The following TMEM131 variants were observed in gnomAD, a reference collection of about 807,000 sequenced individuals.
TMEM131 encodes the protein transmembrane protein 131.
In TMEM131, 66 loss-of-function variants were observed where a neutral mutation model predicts 211.6. The ratio of observed to expected loss-of-function variants is 0.31; its 90% CI spans 0.26 to 0.38. TMEM131 has a LOEUF of 0.38. TMEM131 is among the 10% of genes least tolerant of loss of function. TMEM131 has a pLI of 1.00. For missense variants in TMEM131, 2,036 were observed against 2,299.3 expected, an observed-to-expected ratio of 0.89 and a Z score of 2.34; for synonymous variants, 844 against 841.3, an observed-to-expected ratio of 1.00 and a Z score of -0.06.
At chr2:97,793,693 C>T (rs2104890571) in intron 29 of TMEM131, 140 bp from the exon 30 acceptor site, 2 of 866,652 alleles carry the variant, frequency 2.3e-6, no homozygotes, top group East Asian at 2.8e-5. Context: ...CAACTTTTAA[C>T]AGACAAAACC....
At position 97,995,883 on chromosome 2, in the gene TMEM131, G is replaced by A. The variant is rs190671834; in HGVS notation, c.-221C>T. On this transcript the variant is annotated 5_prime_UTR_variant, in exon 1 of 41. Transcript: ENST00000186436. The stretch of plus-strand genomic sequence containing the variant: ...GCCTGGGCATCGCCTACAAGCAGTC[G>A]GAGCGGAGAGGCCGCGGGTCAGGCG... 6 of 239,820 alleles carry A rather than the reference G, an allele frequency of 2.5e-5. No homozygotes were observed. In the East Asian group the frequency reaches 5.6e-4, roughly 23 times the overall value. 14.9% of individuals were successfully genotyped at this position (239,820 alleles called of 1,614,324 possible). A position where few individuals can be genotyped will look rare whatever the true frequency, so the allele number is the denominator to read the frequency against.
chr2:97,759,334 T>C, intron 39 of TMEM131: 1 of 540,018 alleles, frequency 1.9e-6, no homozygotes, highest in Non-Finnish European at 3.3e-6. Context: ...CCTCTAGTTC[T>C]GGACAGCAAG....
chr2:97,886,393 A>T (rs148023525), intron 4 of TMEM131, among the ~76,000 whole-genome samples: 2 of 152,218 alleles, frequency 1.3e-5, no homozygotes, highest in Non-Finnish European at 2.9e-5. Flanking sequence ...CATTTCTTCC[A>T]ATTTTATGGA....
chr2:97,919,897 T>C (rs115652648), intron 2 of TMEM131, among the ~76,000 whole-genome samples: 3,799 of 152,310 alleles, frequency 0.025, 53 homozygotes, highest in Middle Eastern at 0.065. Context: ...ATTTTTTCTA[T>C]GAACAGCTCA....
chr2:97,803,538 G>T (rs900192794), intron 22 of TMEM131, among the ~76,000 whole-genome samples: 1 of 152,182 alleles, frequency 6.6e-6, no homozygotes, highest in African/African-American at 2.4e-5. Context: ...GGGACTAAAC[G>T]CTGAAGCATA....
chr2:97,770,347 C>G (rs547437738), intron 33 of TMEM131, among the ~76,000 whole-genome samples: 35 of 152,184 alleles, frequency 2.3e-4, no homozygotes, highest in Non-Finnish European at 4.3e-4. Context: ...TTAAAGAGAT[C>G]AGATAAAGGA....
intron 31 of TMEM131, 135 bp from the exon 32 acceptor site, chr2:97,776,153 A>AAG: frequency 1.2e-6 from 1 of 827,138 alleles, no homozygotes; most frequent in Non-Finnish European, 1.8e-6. Flanking sequence ...TCCCGGGTTC[A>AAG]CACCATTCTC....
At chr2:97,782,981 A>AG (rs770035062) in intron 31 of TMEM131, among the ~76,000 whole-genome samples, 4 of 151,610 alleles carry the variant, frequency 2.6e-5, no homozygotes, top group Non-Finnish European at 5.9e-5. Flanking sequence ...AAAAAAAAAA[A>AG]GAGCAAACCT....
chr2:97,784,735 G>A (rs1470028881), intron 31 of TMEM131, among the ~76,000 whole-genome samples: 1 of 151,996 alleles, frequency 6.6e-6, no homozygotes. Context: ...GCAGGACAAA[G>A]ATAATAACAA....
At chr2:97,759,112 A>T in intron 39 of TMEM131, 59 bp from the exon 40 acceptor site, 1 of 1,601,294 alleles carries the variant, frequency 6.2e-7, no homozygotes, top group Non-Finnish European at 8.5e-7. Context: ...TCACTATAGC[A>T]TATGGGGCTT....
At chr2:97,949,715 G>A (rs1051666512) in intron 1 of TMEM131, among the ~76,000 whole-genome samples, 3 of 150,964 alleles carry the variant, frequency 2.0e-5, no homozygotes, top group Non-Finnish European at 4.4e-5. Context: ...AGCTACTCGG[G>A]AGGGTGAGGC....
intron 20 of TMEM131, 40 bp downstream of exon 20, chr2:97,805,511 T>G (rs776444788): frequency 6.2e-7 from 1 of 1,611,452 alleles, no homozygotes; most frequent in Non-Finnish European, 8.5e-7. Flanking sequence ...TAAAACAAAA[T>G]GTTAACCAAT....
chr2:97,980,487 AT>A, intron 1 of TMEM131, among the ~76,000 whole-genome samples: 1 of 152,218 alleles, frequency 6.6e-6, no homozygotes, highest in Admixed American at 6.5e-5. Flanking sequence ...GGAATATAAA[AT>A]GGTACAGCCG....
intron 22 of TMEM131, among the ~76,000 whole-genome samples, chr2:97,804,621 CAAAAAAAAAAA>C (rs71386034): frequency 2.8e-5 from 2 of 71,922 alleles, no homozygotes; most frequent in Admixed American, 1.5e-4. Flanking sequence ...GACTCCGTCT[CAAAAAAAAAAA>C]AAAAAAAAAA....
intron 39 of TMEM131, 179 bp from the exon 40 acceptor site, chr2:97,759,232 G>A: frequency 7.1e-6 from 5 of 700,692 alleles, no homozygotes; most frequent in South Asian, 5.5e-5. Context: ...GAACTCAAAC[G>A]CATAGTGCAC....
chr2:97,825,448 G>C (rs560445369), intron 11 of TMEM131, among the ~76,000 whole-genome samples: 4 of 152,272 alleles, frequency 2.6e-5, no homozygotes, highest in Admixed American at 2.6e-4. Context: ...AGACAAAACA[G>C]TTACGGGGGT....
intron 19 of TMEM131, among the ~76,000 whole-genome samples, chr2:97,807,591 C>CT (rs1160933481): frequency 3.9e-5 from 6 of 152,170 alleles, no homozygotes; most frequent in Non-Finnish European, 5.9e-5. Flanking sequence ...AAATACACCT[C>CT]TTTTTTAAAA....
intron 32 of TMEM131, among the ~76,000 whole-genome samples, chr2:97,775,322 G>A (rs944009133): frequency 6.6e-6 from 1 of 152,142 alleles, no homozygotes; most frequent in African/African-American, 2.4e-5. Context: ...GTCCCTGGGG[G>A]CCACTAAAGC....
chr2:97,891,005 G>T (rs190783169), intron 3 of TMEM131, among the ~76,000 whole-genome samples: 2 of 152,044 alleles, frequency 1.3e-5, no homozygotes, highest in African/African-American at 4.8e-5. Context: ...TTTAATATCC[G>T]AGTGAGTACG....
Sources: gnomAD v4.1 joint callset for allele counts (sites outside exome capture counted in the v4.1 genomes callset) on GRCh38, gnomAD v4.1.1 for gene constraint, MANE v1.5 for transcripts, NCBI Gene and HGNC (gene_info 2026-07-23, HGNC 2026-07-21) for gene names.